Variants in RCBTB1 observed in about 807,000 individuals in gnomAD.
RCBTB1 encodes RCC1 and BTB domain-containing protein 1.
RCBTB1 carries 46 observed loss-of-function variants against 62.4 expected under a neutral mutation model. The observed-to-expected ratio is 0.74, with a 90% CI of 0.58 to 0.94. The LOEUF (loss-of-function observed/expected upper bound fraction) is 0.94. Among genes scored for constraint, RCBTB1 ranks in the 40% least tolerant of loss-of-function variants. RCBTB1 has a pLI of 0.00. For missense variants in RCBTB1, 565 were observed against 654.9 expected (o/e 0.86, Z 1.50); for synonymous variants, 222 against 245.8 (o/e 0.90, Z 0.91).
intron 9 of RCBTB1, among the ~76,000 whole-genome samples, chr13:49,547,372 T>G (rs1177844906): frequency 6.6e-6 from 1 of 152,142 alleles, no homozygotes; most frequent in Non-Finnish European, 1.5e-5. Flanking sequence ...AAATTAACCT[T>G]CAATATCAAT....
intron 2 of RCBTB1, among the ~76,000 whole-genome samples, chr13:49,573,613 T>C (rs1388145575): frequency 6.6e-6 from 1 of 151,758 alleles, no homozygotes; most frequent in East Asian, 1.9e-4. Context: ...CACGCCCGGC[T>C]AATTTTGCAT....
chr13:49,576,276 C>T (rs972486267), intron 2 of RCBTB1, among the ~76,000 whole-genome samples: 10 of 142,174 alleles, frequency 7.0e-5, no homozygotes, highest in South Asian at 6.9e-4. Context: ...TGTGAATGTA[C>T]ATAATGTGAC....
Position 49,549,958 on chromosome 13 carries a change from C to T in RCBTB1, c.855-310G>A, listed in dbSNP as rs189910726. 1.3e-5 allele frequency: 12 copies of T among 952,844 alleles called. No individual in the cohort carries two copies. The East Asian group carries it at 1.4e-3, about 110-fold the overall frequency. 59.0% of individuals were successfully genotyped at this position (952,844 alleles called of 1,614,324 possible). A position where few individuals can be genotyped will look rare whatever the true frequency, so the allele number is the denominator to read the frequency against. On this transcript the variant is annotated intron_variant, in intron 8 of 12. Coordinates refer to ENST00000378302, the MANE Select transcript of RCBTB1 (RefSeq NM_018191.4). ...GAGGAAAGTGGACACTGAGAAAATGCCCTAACAAATGTGATGGCTTAAATA... is the reference window on the plus strand; with the variant it reads ...GAGGAAAGTGGACACTGAGAAAATGTCCTAACAAATGTGATGGCTTAAATA...
intron 1 of RCBTB1, 132 bp from the exon 2 acceptor site, chr13:49,580,716 A>G (rs1964048218): frequency 6.6e-6 from 1 of 152,250 alleles, no homozygotes; most frequent in African/African-American, 2.4e-5. Flanking sequence ...TGGATACCCC[A>G]AAAGTGATTT....
chr13:49,547,264 C>T (rs1960875285), intron 9 of RCBTB1: 1 of 999,904 alleles, frequency 1.0e-6, no homozygotes. Context: ...TTAAGGCAAG[C>T]TTAACTCTTC....
chr13:49,558,695 CAAAAAA>C lies in RCBTB1; in HGVS notation c.444+1217_444+1222del, dbSNP rs1186659232. On this transcript the variant is annotated intron_variant, in intron 5 of 12. Coordinates refer to ENST00000378302, the MANE Select transcript of RCBTB1 (RefSeq NM_018191.4). ...GGCAAGAAGGGTGAAACTCTGTCTC[CAAAAAA>C]AAAAAAAAAAAAAAAATTCACAAAG... Among the ~76,000 whole-genome samples the C allele has an allele frequency of 2.0e-4, 12 of 59,374 alleles. No homozygotes were observed. In the East Asian group the frequency reaches 5.1e-3, roughly 25 times the overall value. The allele number at this position is 59,374 out of a possible 152,430, so 39.0% of individuals were successfully genotyped here. A position where few individuals can be genotyped will look rare whatever the true frequency, so the allele number is the denominator to read the frequency against.
intron 9 of RCBTB1, 33 bp from the exon 10 acceptor site, chr13:49,544,896 G>A: frequency 6.4e-7 from 1 of 1,569,998 alleles, no homozygotes; most frequent in African/African-American, 1.4e-5. Flanking sequence ...AATATGGCAA[G>A]TTCAAGGAAC....
At position 49,551,958 on chromosome 13, in the gene RCBTB1, AT is replaced by A. The variant is rs5803472; in HGVS notation, c.711+219del. Among the ~76,000 whole-genome samples the A allele has an allele frequency of 0.84, 115,335 of 137,516 alleles. 48,332 individuals carry two copies. Among genetic ancestry groups the A allele is most frequent in the East Asian group, 0.89 (4,280 of 4,800 alleles). The allele number at this position is 137,516 out of a possible 152,430, so 90.2% of individuals were successfully genotyped here. On this transcript the variant is annotated intron_variant, in intron 7 of 12. Transcript: ENST00000378302. ...AAACCTTAGGCTACTGAATTTTTCC[AT>A]TTTTTTTTTTTTTTTTAACTTGTCG...
At chr13:49,582,514 CA>C (rs1964162419) in intron 1 of RCBTB1, among the ~76,000 whole-genome samples, 2 of 151,866 alleles carry the variant, frequency 1.3e-5, no homozygotes, top group South Asian at 4.2e-4. Flanking sequence ...TAAATAAATG[CA>C]AGAGAAACTG....
At chr13:49,558,764 A>T in intron 5 of RCBTB1, among the ~76,000 whole-genome samples, 1 of 152,050 alleles carries the variant, frequency 6.6e-6, no homozygotes, top group African/African-American at 2.4e-5. Context: ...AATAAACAAC[A>T]CAGTCAAACA....
In RCBTB1 at chr13:49,549,465, C is replaced by T; in HGVS notation, c.1038G>A (p.Leu346=). 6.2e-7 allele frequency: 1 copy of T among 1,608,594 alleles called. No individual in the cohort carries two copies. Among genetic ancestry groups the T allele is most frequent in the Non-Finnish European group, 8.5e-7 (1 of 1,176,076 alleles). The part of the protein sequence containing the change: ...FATPAVSWRL[L]SVEHEDFLTV... The stretch of plus-strand genomic sequence containing the variant: ...GGCCCTGCACTTTCTTACCCACAGA[C>T]AGGAGGCGCCACGAGACGGCGGGAG... The change falls in exon 9 of 13, where the codon CTG becomes CTA. Residue 346 remains leucine, a synonymous_variant. Coordinates refer to ENST00000378302, the MANE Select transcript of RCBTB1 (RefSeq NM_018191.4).
chr13:49,584,330 G>T (rs538199296), intron 1 of RCBTB1, among the ~76,000 whole-genome samples: 12 of 152,246 alleles, frequency 7.9e-5, no homozygotes. Context: ...AGAAGAAAAA[G>T]GACCCGTCTA....
At chr13:49,546,376 T>C in intron 9 of RCBTB1, 1 of 985,042 alleles carries the variant, frequency 1.0e-6, no homozygotes, top group Non-Finnish European at 1.2e-6. Context: ...GGAAAGAAGT[T>C]ATCTAGGACA....
intron 12 of RCBTB1, among the ~76,000 whole-genome samples, chr13:49,536,660 G>A (rs887242751): frequency 2.6e-5 from 4 of 152,180 alleles, no homozygotes; most frequent in East Asian, 1.9e-4. Context: ...CAAAGTTCCC[G>A]ACAGAATGAA....
At chr13:49,557,581 T>C (rs544227829) in intron 5 of RCBTB1, among the ~76,000 whole-genome samples, 119 of 152,246 alleles carry the variant, frequency 7.8e-4, no homozygotes, top group Non-Finnish European at 1.3e-3. Context: ...GTCACACATC[T>C]GAGCTATAGT....
intron 9 of RCBTB1, among the ~76,000 whole-genome samples, chr13:49,548,832 G>C (rs1961053084): frequency 6.7e-6 from 1 of 149,536 alleles, no homozygotes; most frequent in South Asian, 2.2e-4. Flanking sequence ...AACGTATAAG[G>C]GCTTTCTTCT....
chr13:49,561,912 T>G (rs906731606), intron 4 of RCBTB1, among the ~76,000 whole-genome samples: 1 of 146,436 alleles, frequency 6.8e-6, no homozygotes, highest in Non-Finnish European at 1.5e-5. Context: ...GCCAACACAG[T>G]GAAACCCCAC....
intron 9 of RCBTB1, chr13:49,547,027 G>A: frequency 8.3e-7 from 1 of 1,203,482 alleles, no homozygotes; most frequent in Non-Finnish European, 1.1e-6. Context: ...ACTGGGGGAA[G>A]CCTTTTATAA....
intron 1 of RCBTB1, among the ~76,000 whole-genome samples, chr13:49,585,073 AAG>A (rs2137422426): frequency 6.6e-6 from 1 of 152,318 alleles, no homozygotes; most frequent in African/African-American, 2.4e-5. Context: ...AGAGAATAGG[AAG>A]AGTCGGAGGG....
Sources: allele counts gnomAD v4.1 joint callset (sites outside exome capture counted in the v4.1 genomes callset), GRCh38; gene constraint gnomAD v4.1.1; transcripts MANE v1.5; gene names NCBI Gene and HGNC (gene_info 2026-07-23, HGNC 2026-07-21).